Variants in HSD11B1 observed in about 807,000 individuals in gnomAD.
HSD11B1 encodes the protein hydroxysteroid 11-beta dehydrogenase 1.
Under a neutral mutation model 22.1 loss-of-function variants are expected in HSD11B1, and 15 were observed. That is an observed-to-expected ratio of 0.68 (90% CI 0.45 to 1.04). HSD11B1 has a LOEUF of 1.04. Among genes scored for constraint, HSD11B1 ranks in the 50% least tolerant of loss-of-function variants. The pLI, the probability that HSD11B1 is intolerant of heterozygous loss-of-function variation, is 0.00. For missense variants in HSD11B1, 281 were observed against 357.6 expected, an observed-to-expected ratio of 0.79 and a Z score of 1.73; for synonymous variants, 122 against 125.2, an observed-to-expected ratio of 0.97 and a Z score of 0.17.
At chr1:209,710,192 G>T (rs2076886389) in intron 4 of HSD11B1, among the ~76,000 whole-genome samples, 1 of 152,274 alleles carries the variant, frequency 6.6e-6, no homozygotes, top group Admixed American at 6.5e-5. Flanking sequence ...CTGGAAAAAA[G>T]TTTATCTGAC....
intron 4 of HSD11B1, among the ~76,000 whole-genome samples, chr1:209,713,505 T>G (rs777848390): frequency 1.3e-5 from 2 of 152,208 alleles, no homozygotes; most frequent in Admixed American, 6.5e-5. Flanking sequence ...AGAAATTCAT[T>G]TCAGAAATTA....
Position 209,734,622 on chromosome 1 carries a change from A to G in HSD11B1, c.*101A>G. On this transcript the variant is annotated 3_prime_UTR_variant, in exon 6 of 6. Transcript: ENST00000367027. ...GAAGACATCTTCCCAGAGTGTCCCC[A>G]GAGACATGCAAGTCATGGGTCACAC... is the stretch of plus-strand genomic sequence containing the variant. 1.1e-6 allele frequency: 1 copy of G among 915,524 alleles called. No individual in the cohort carries two copies. Among genetic ancestry groups the G allele is most frequent in the Non-Finnish European group, 1.8e-6 (1 of 563,286 alleles). The allele number at this position is 915,524 out of a possible 1,614,324, so 56.7% of individuals were successfully genotyped here.
intron 4 of HSD11B1, among the ~76,000 whole-genome samples, chr1:209,722,213 T>C (rs1192109260): frequency 2.0e-5 from 3 of 152,204 alleles, no homozygotes; most frequent in Admixed American, 6.5e-5. Flanking sequence ...ACAGGCCCCA[T>C]ACCTGCATAG....
intron 4 of HSD11B1, among the ~76,000 whole-genome samples, chr1:209,713,233 T>TA (rs1558193424): frequency 6.6e-6 from 1 of 152,060 alleles, no homozygotes; most frequent in Non-Finnish European, 1.5e-5. Flanking sequence ...TACTATATAT[T>TA]TATATTTATA....
upstream of HSD11B1, among the ~76,000 whole-genome samples, chr1:209,703,791 C>G (rs144408755): frequency 6.6e-6 from 1 of 152,298 alleles, no homozygotes; most frequent in African/African-American, 2.4e-5. Flanking sequence ...TGATAACTTA[C>G]AGAATGCAGG....
At chr1:209,730,803 A>T (rs899479629) in intron 4 of HSD11B1, among the ~76,000 whole-genome samples, 1 of 152,214 alleles carries the variant, frequency 6.6e-6, no homozygotes, top group African/African-American at 2.4e-5. Context: ...AGAAATTCCA[A>T]TTCCGATAAC....
At chr1:209,710,369 C>T (rs1365580568) in intron 4 of HSD11B1, among the ~76,000 whole-genome samples, 1 of 152,152 alleles carries the variant, frequency 6.6e-6, no homozygotes, top group Non-Finnish European at 1.5e-5. Context: ...GCTTTATGCC[C>T]CTGAGAGGAA....
intron 4 of HSD11B1, among the ~76,000 whole-genome samples, chr1:209,718,786 A>C (rs1428479069): frequency 6.6e-6 from 1 of 152,074 alleles, no homozygotes; most frequent in Non-Finnish European, 1.5e-5. Flanking sequence ...CTGTAATCCC[A>C]AGGTGGGCAG....
intron 4 of HSD11B1, among the ~76,000 whole-genome samples, chr1:209,708,835 C>G (rs938424797): frequency 6.6e-6 from 1 of 152,188 alleles, no homozygotes; most frequent in African/African-American, 2.4e-5. Flanking sequence ...CCCATATCTC[C>G]TACACTTATT....
chr1:209,722,434 G>C (rs959551516), intron 4 of HSD11B1, among the ~76,000 whole-genome samples: 3 of 152,102 alleles, frequency 2.0e-5, no homozygotes, highest in Admixed American at 2.0e-4. Context: ...GGTTTCCTGA[G>C]GATTTTTCTA....
At chr1:209,712,685 T>G (rs960649147) in intron 4 of HSD11B1, among the ~76,000 whole-genome samples, 12 of 152,188 alleles carry the variant, frequency 7.9e-5, no homozygotes, top group African/African-American at 2.7e-4. Flanking sequence ...TTTTTGTGTA[T>G]TTTTTAAAGT....
chr1:209,691,132 T>A (rs1237606335), intron 1 of HSD11B1, among the ~76,000 whole-genome samples: 3 of 152,158 alleles, frequency 2.0e-5, no homozygotes, highest in Non-Finnish European at 4.4e-5. Flanking sequence ...CCTCTCAGTG[T>A]CAACACTGGA....
intron 4 of HSD11B1, among the ~76,000 whole-genome samples, chr1:209,727,995 G>A (rs890144124): frequency 6.6e-6 from 1 of 152,124 alleles, no homozygotes; most frequent in African/African-American, 2.4e-5. Context: ...GTGCATATTC[G>A]TGATAACTGG....
intron 4 of HSD11B1, among the ~76,000 whole-genome samples, chr1:209,708,012 CA>C (rs749119642): frequency 1.1e-4 from 17 of 151,900 alleles, no homozygotes; most frequent in South Asian, 2.1e-4. Flanking sequence ...TCAATTTAAA[CA>C]ACCAGCTGGG....
upstream of HSD11B1, among the ~76,000 whole-genome samples, chr1:209,701,512 A>G (rs1480150559): frequency 1.3e-5 from 2 of 152,206 alleles, no homozygotes; most frequent in Non-Finnish European, 2.9e-5. Flanking sequence ...GACCCTATCA[A>G]TTCTCATGTA....
At chr1:209,717,575 G>C (rs575067312) in intron 4 of HSD11B1, among the ~76,000 whole-genome samples, 1 of 152,220 alleles carries the variant, frequency 6.6e-6, no homozygotes, top group East Asian at 1.9e-4. Context: ...AAGAAAATTG[G>C]CCAGGTGAAA....
At chr1:209,700,352 C>A (rs934527752), upstream of HSD11B1, among the ~76,000 whole-genome samples, 2 of 152,242 alleles carry the variant, frequency 1.3e-5, no homozygotes, top group Admixed American at 6.5e-5. Context: ...CTCAACACCA[C>A]GCGGAAGCTT....
At chr1:209,704,589 T>C (rs965646709), upstream of HSD11B1, among the ~76,000 whole-genome samples, 1 of 152,154 alleles carries the variant, frequency 6.6e-6, no homozygotes, top group Non-Finnish European at 1.5e-5. Flanking sequence ...AGATCATTGA[T>C]CCCTGGCGTA....
chr1:209,728,018 T>C (rs1177438324), intron 4 of HSD11B1, among the ~76,000 whole-genome samples: 1 of 152,196 alleles, frequency 6.6e-6, no homozygotes, highest in African/African-American at 2.4e-5. Context: ...CAACCTTCCA[T>C]GGCTAGAAAG....
Sources: allele counts gnomAD v4.1 joint callset (sites outside exome capture counted in the v4.1 genomes callset), GRCh38; gene constraint gnomAD v4.1.1; transcripts MANE v1.5; gene names NCBI Gene and HGNC (gene_info 2026-07-23, HGNC 2026-07-21).